The following GALNT2 variants were observed in gnomAD, a reference collection of about 807,000 sequenced individuals.
The protein encoded by GALNT2 is UDP-GalNAc:polypeptide N-acetylgalactosaminyltransferase 2.
In GALNT2, 31 loss-of-function variants were observed where a neutral mutation model predicts 81.4. That is an observed-to-expected ratio of 0.38 (90% CI 0.29 to 0.51). GALNT2 has a LOEUF of 0.51. GALNT2 is among the 20% of genes least tolerant of loss of function. The pLI is 0.87. For synonymous variants in GALNT2, 303 were observed against 287.4 expected, an observed-to-expected ratio of 1.05 and a Z score of -0.55; for missense variants, 629 against 765.7, an observed-to-expected ratio of 0.82 and a Z score of 2.11.
chr1:230,079,133 G>A (rs1017626965), intron 1 of GALNT2, among the ~76,000 whole-genome samples: 7 of 152,244 alleles, frequency 4.6e-5, no homozygotes, highest in Admixed American at 2.0e-4. Flanking sequence ...GTGGGAGACC[G>A]TTAATAAATA....
At chr1:230,121,542 C>T (rs558500460) in intron 1 of GALNT2, among the ~76,000 whole-genome samples, 1 of 152,358 alleles carries the variant, frequency 6.6e-6, no homozygotes, top group Admixed American at 6.5e-5. Context: ...AACCCTACCA[C>T]CATTCCAGAA....
chr1:230,163,874 A>T (rs1049620521), intron 1 of GALNT2, among the ~76,000 whole-genome samples: 3 of 152,186 alleles, frequency 2.0e-5, no homozygotes, highest in Non-Finnish European at 2.9e-5. Context: ...TATTGGATTT[A>T]GCTTTCCCAA....
At chr1:230,183,376 C>A (rs977273951) in intron 2 of GALNT2, among the ~76,000 whole-genome samples, 4 of 151,846 alleles carry the variant, frequency 2.6e-5, no homozygotes, top group Admixed American at 6.6e-5. Flanking sequence ...CTTTTTCTGC[C>A]TTTTGTCGTT....
Position 230,222,031 on chromosome 1 carries a change from C to CTTTT in GALNT2, c.375-13973_375-13970dup, listed in dbSNP as rs564681409. ...TTTATATACATTTCACTGCTTTTCT[C>CTTTT]TTTTTTTTTTTTTGAGACAGAGTCT... On this transcript the variant is annotated intron_variant, in intron 3 of 15. Transcript: ENST00000366672. Among the ~76,000 whole-genome samples the CTTTT allele has an allele frequency of 1.0e-4, 10 of 96,128 alleles. 1 individual carries two copies. Among genetic ancestry groups the CTTTT allele is most frequent in the Admixed American group, 2.6e-4 (2 of 7,716 alleles). The allele number at this position is 96,128 out of a possible 152,430, so 63.1% of individuals were successfully genotyped here.
chr1:230,116,795 G>A (rs1434598249), intron 1 of GALNT2, among the ~76,000 whole-genome samples: 1 of 152,186 alleles, frequency 6.6e-6, no homozygotes, highest in Non-Finnish European at 1.5e-5. Flanking sequence ...TCCATGTTCT[G>A]TTGTTCCATT....
intron 1 of GALNT2, among the ~76,000 whole-genome samples, chr1:230,072,038 G>C (rs1036938045): frequency 6.6e-6 from 1 of 152,150 alleles, no homozygotes; most frequent in East Asian, 1.9e-4. Context: ...TGGGAGGCTG[G>C]TGAAGGTTTT....
At chr1:230,175,226 T>C (rs1124110) in intron 1 of GALNT2, among the ~76,000 whole-genome samples, 18,733 of 152,228 alleles carry the variant, frequency 0.12, 1,391 homozygotes, top group East Asian at 0.26. Flanking sequence ...ACCAGACATA[T>C]TCTGAGATGA....
rs893507565 is a variant in GALNT2 at position 230,155,563 on chromosome 1, G to T, written c.127-22655G>T. 2.0e-5 allele frequency among the ~76,000 whole-genome samples: 3 copies of T among 152,316 alleles called. No individual in the cohort carries two copies. The South Asian group carries it at 6.2e-4, about 32-fold the overall frequency. On this transcript the variant is annotated intron_variant, in intron 1 of 15. Transcript: ENST00000366672. ...TCAGGAATGACTGAATCAGGACAGGGTCTCCTCCTTTGGGGCTGGGAGGGA... is the reference window on the plus strand; with the variant it reads ...TCAGGAATGACTGAATCAGGACAGGTTCTCCTCCTTTGGGGCTGGGAGGGA...
intron 1 of GALNT2, among the ~76,000 whole-genome samples, chr1:230,161,071 T>C (rs1486998354): frequency 6.6e-6 from 1 of 152,214 alleles, no homozygotes; most frequent in Non-Finnish European, 1.5e-5. Flanking sequence ...CTTTGATCCC[T>C]AGCAAACTGT....
chr1:230,224,076 A>G (rs1028801857), intron 3 of GALNT2, among the ~76,000 whole-genome samples: 1 of 152,198 alleles, frequency 6.6e-6, no homozygotes, highest in Non-Finnish European at 1.5e-5. Flanking sequence ...TTCATGGAAC[A>G]ATGGAAGTAA....
intron 3 of GALNT2, among the ~76,000 whole-genome samples, chr1:230,232,309 A>G (rs528801832): frequency 6.6e-6 from 1 of 152,344 alleles, no homozygotes; most frequent in South Asian, 2.1e-4. Context: ...GTTCTCAGCA[A>G]AAATGGATGC....
chr1:230,110,384 C>CT (rs1660665733), intron 1 of GALNT2, among the ~76,000 whole-genome samples: 1 of 152,140 alleles, frequency 6.6e-6, no homozygotes, highest in African/African-American at 2.4e-5. Context: ...GTTGTGAGCT[C>CT]TGACGGCCTG....
chr1:230,269,580 T>C (rs2102773968), intron 14 of GALNT2, among the ~76,000 whole-genome samples: 1 of 152,252 alleles, frequency 6.6e-6, no homozygotes, highest in Middle Eastern at 3.4e-3. Context: ...ACCAGATCTC[T>C]AAGAGCTAAC....
At chr1:230,209,350 G>A (rs577570578) in intron 3 of GALNT2, among the ~76,000 whole-genome samples, 7 of 78,208 alleles carry the variant, frequency 9.0e-5, no homozygotes, top group East Asian at 1.8e-3. Context: ...GGTCCTAAAG[G>A]GTGGCGCCCT....
At chr1:230,064,135 G>T (rs984060607), upstream of GALNT2, among the ~76,000 whole-genome samples, 8 of 151,878 alleles carry the variant, frequency 5.3e-5, no homozygotes, top group Admixed American at 6.6e-5. Flanking sequence ...CCTATATTTT[G>T]TTTCTAACCT....
chr1:230,247,104 G>A (rs528939529), intron 8 of GALNT2, among the ~76,000 whole-genome samples: 6 of 151,500 alleles, frequency 4.0e-5, no homozygotes, highest in African/African-American at 4.9e-5. Flanking sequence ...AATTAGCTGC[G>A]TGTGATGGCA....
intron 1 of GALNT2, among the ~76,000 whole-genome samples, chr1:230,137,349 A>C (rs1305009305): frequency 6.6e-6 from 1 of 152,184 alleles, no homozygotes; most frequent in Non-Finnish European, 1.5e-5. Flanking sequence ...CTTCTGCTTC[A>C]TGCTGTGTTT....
In GALNT2 at chr1:230,280,340, T is replaced by A; in HGVS notation, c.*882T>A. The A allele has an allele frequency of 3.7e-6, 1 of 272,058 alleles. No homozygotes were observed. Among genetic ancestry groups the A allele is most frequent in the Non-Finnish European group, 7.3e-6 (1 of 136,224 alleles). The allele number at this position is 272,058 out of a possible 1,614,324, so 16.9% of individuals were successfully genotyped here. On this transcript the variant is annotated 3_prime_UTR_variant, in exon 16 of 16. Transcript: ENST00000366672. ...TCAGCCTGAGAGTCCCTACTGTGCG[T>A]CAGAATCCACCTTGCGTGCTGTGCG...
chr1:230,132,854 G>C (rs926428981), intron 1 of GALNT2, among the ~76,000 whole-genome samples: 9 of 152,120 alleles, frequency 5.9e-5, no homozygotes, highest in Admixed American at 4.6e-4. Context: ...CTTGAGCGTG[G>C]GATGAGAGGG....
Sources: gnomAD v4.1 joint callset for allele counts (sites outside exome capture counted in the v4.1 genomes callset) on GRCh38, gnomAD v4.1.1 for gene constraint, MANE v1.5 for transcripts, NCBI Gene and HGNC (gene_info 2026-07-23, HGNC 2026-07-21) for gene names.